GABRB1: variants seen among roughly 807,000 people sequenced by gnomAD.
GABRB1 encodes the protein gamma-aminobutyric acid receptor subunit beta-1.
In GABRB1, 17 loss-of-function variants were observed where a neutral mutation model predicts 51.6. The ratio of observed to expected loss-of-function variants is 0.33; its 90% CI spans 0.23 to 0.49. The LOEUF (loss-of-function observed/expected upper bound fraction) is 0.49, where lower values mean the gene tolerates loss of function less well. GABRB1 is among the 20% of genes least tolerant of loss of function. The pLI is 0.99. For synonymous variants in GABRB1, 247 were observed against 218.9 expected, an observed-to-expected ratio of 1.13 and a Z score of -1.14; for missense variants, 410 against 600.6, an observed-to-expected ratio of 0.68 and a Z score of 3.32.
In GABRB1 at chr4:47,068,780, C is replaced by T. The variant is rs146364133; in HGVS notation, c.240+36296C>T. ...ACATTTAAAATATTATGAGAATTGC[C>T]AGAATGTAATACAGAGGCATGAAGT... On this transcript the variant is annotated intron_variant, in intron 3 of 8. Transcript: ENST00000295454. Among the ~76,000 whole-genome samples, 786 of 152,098 alleles carry T rather than the reference C, an allele frequency of 5.2e-3. 3 individuals carry two copies. The highest frequency in any genetic ancestry group is 0.018 in the African/African-American group (736 of 41,474).
chr4:47,004,389 A>C (rs938488920), intron 1 of GABRB1, among the ~76,000 whole-genome samples: 1 of 152,208 alleles, frequency 6.6e-6, no homozygotes, highest in Non-Finnish European at 1.5e-5. Context: ...TTATGTCAAG[A>C]TTATAGGCAT....
chr4:47,298,075 T>C (rs891088619), intron 4 of GABRB1, among the ~76,000 whole-genome samples: 6 of 152,186 alleles, frequency 3.9e-5, no homozygotes, highest in African/African-American at 7.2e-5. Flanking sequence ...AAATTAGGTA[T>C]TGATGGGACG....
At chr4:47,311,507 G>T (rs1344876285) in intron 4 of GABRB1, among the ~76,000 whole-genome samples, 1 of 150,250 alleles carries the variant, frequency 6.7e-6, no homozygotes, top group Non-Finnish European at 1.5e-5. Context: ...GAAAGCAGGA[G>T]AGTGAGATGT....
chr4:47,387,013 G>A (rs7690585), intron 5 of GABRB1, among the ~76,000 whole-genome samples: 96 of 152,290 alleles, frequency 6.3e-4, no homozygotes, highest in Admixed American at 2.9e-3. Flanking sequence ...TTAAAGACCT[G>A]ATTCATCCTA....
At chr4:47,336,593 G>A (rs1373052377) in intron 5 of GABRB1, among the ~76,000 whole-genome samples, 2 of 152,102 alleles carry the variant, frequency 1.3e-5, no homozygotes, top group African/African-American at 4.8e-5. Context: ...CAGTGAGATA[G>A]GAGAAAACCT....
At chr4:47,329,717 T>C (rs974998531) in intron 5 of GABRB1, among the ~76,000 whole-genome samples, 2 of 149,066 alleles carry the variant, frequency 1.3e-5, no homozygotes, top group Non-Finnish European at 3.0e-5. Context: ...ATATATATGA[T>C]ACATAGCTAT....
chr4:47,405,133 G>A (rs116833850), intron 7 of GABRB1, among the ~76,000 whole-genome samples: 244 of 152,278 alleles, frequency 1.6e-3, no homozygotes, highest in African/African-American at 5.5e-3. Flanking sequence ...AGCTAGAATT[G>A]TATCAGGTGA....
At chr4:47,057,656 G>A (rs921093203) in intron 3 of GABRB1, among the ~76,000 whole-genome samples, 4 of 152,170 alleles carry the variant, frequency 2.6e-5, no homozygotes, top group African/African-American at 9.7e-5. Context: ...TAACTACATA[G>A]CAGTGAACTT....
At chr4:47,169,564 C>A (rs1718352167) in intron 4 of GABRB1, among the ~76,000 whole-genome samples, 1 of 151,698 alleles carries the variant, frequency 6.6e-6, no homozygotes, top group Non-Finnish European at 1.5e-5. Flanking sequence ...TGCAATGGCA[C>A]AATCTTGGCT....
rs756399513 is a variant in GABRB1 at position 47,320,229 on chromosome 4, G to T, written c.544+20G>T. On this transcript the variant is annotated intron_variant, in intron 5 of 8. Transcript: ENST00000295454. ...AAAGTTGTGAGTTACTTGGACAGGG[G>T]AATGAAAAAGAGGGATTCTTCCTTG... 1 of 1,448,262 alleles carries T rather than the reference G, an allele frequency of 6.9e-7. No homozygotes were observed. Among genetic ancestry groups the T allele is most frequent in the Non-Finnish European group, 9.7e-7 (1 of 1,028,958 alleles). 89.7% of individuals were successfully genotyped at this position (1,448,262 alleles called of 1,614,324 possible).
chr4:47,401,915 G>T (rs530840955), intron 5 of GABRB1, among the ~76,000 whole-genome samples: 1 of 151,932 alleles, frequency 6.6e-6, no homozygotes, highest in South Asian at 2.1e-4. Flanking sequence ...TTATTGGCAG[G>T]TTTTTATCAA....
Position 47,124,663 on chromosome 4 carries a change from G to C in GABRB1, c.241-36586G>C, listed in dbSNP as rs1577930222. ...AAATTGGAAGTTCAACAAAGAAATAGAAATTGCAGAAAAGAACCTAACAAA... is the reference window on the plus strand; with the variant it reads ...AAATTGGAAGTTCAACAAAGAAATACAAATTGCAGAAAAGAACCTAACAAA... On this transcript the variant is annotated intron_variant, in intron 3 of 8. Transcript: ENST00000295454. Among the ~76,000 whole-genome samples the C allele has an allele frequency of 2.6e-5, 4 of 152,222 alleles. No individual in the cohort carries two copies. In the East Asian group the frequency reaches 7.7e-4, roughly 29 times the overall value.
intron 5 of GABRB1, among the ~76,000 whole-genome samples, chr4:47,343,127 A>C (rs1725964393): frequency 6.6e-6 from 1 of 152,020 alleles, no homozygotes; most frequent in South Asian, 2.1e-4. Flanking sequence ...GTATGGTTAA[A>C]GTCACCCTCA....
chr4:47,233,139 G>A (rs1410996364), intron 4 of GABRB1, among the ~76,000 whole-genome samples: 1 of 152,184 alleles, frequency 6.6e-6, no homozygotes, highest in Non-Finnish European at 1.5e-5. Context: ...GCCTTCCAAA[G>A]TGCTGGGATT....
chr4:47,306,243 T>C (rs1228762300), intron 4 of GABRB1, among the ~76,000 whole-genome samples: 1 of 30,448 alleles, frequency 3.3e-5, no homozygotes, highest in East Asian at 7.4e-4. Flanking sequence ...ATAAAATAAA[T>C]AACACAATTG....
chr4:47,262,251 C>T (rs1425085890), intron 4 of GABRB1, among the ~76,000 whole-genome samples: 1 of 152,100 alleles, frequency 6.6e-6, no homozygotes, highest in Admixed American at 6.5e-5. Flanking sequence ...TCAGAGTGAA[C>T]AGGCAACCTA....
intron 5 of GABRB1, among the ~76,000 whole-genome samples, chr4:47,375,913 C>A (rs1479876432): frequency 1.3e-5 from 2 of 152,138 alleles, no homozygotes; most frequent in African/African-American, 4.8e-5. Flanking sequence ...AGGAGGGTAC[C>A]AGAAGAGGCA....
intron 3 of GABRB1, among the ~76,000 whole-genome samples, chr4:47,142,969 A>G (rs988509813): frequency 1.3e-5 from 2 of 151,926 alleles, no homozygotes; most frequent in Non-Finnish European, 2.9e-5. Context: ...ATATTCACCT[A>G]GTCCTCATGA....
chr4:47,013,651 A>G (rs1482894602), intron 1 of GABRB1, among the ~76,000 whole-genome samples: 2 of 152,144 alleles, frequency 1.3e-5, no homozygotes, highest in Non-Finnish European at 2.9e-5. Flanking sequence ...TTTGAATTCT[A>G]TTCATATCCA....
Sources: allele counts gnomAD v4.1 joint callset (sites outside exome capture counted in the v4.1 genomes callset), GRCh38; gene constraint gnomAD v4.1.1; transcripts MANE v1.5; gene names NCBI Gene and HGNC (gene_info 2026-07-23, HGNC 2026-07-21).